Variants in PEAK1 observed in about 807,000 individuals in gnomAD.
PEAK1 encodes pseudopodium enriched atypical kinase 1, also known as inactive tyrosine-protein kinase PEAK1.
PEAK1 carries 54 observed loss-of-function variants against 124.7 expected under a neutral mutation model. The ratio of observed to expected loss-of-function variants is 0.43; its 90% CI spans 0.35 to 0.54. The LOEUF (loss-of-function observed/expected upper bound fraction) is 0.54. Among genes scored for constraint, PEAK1 ranks in the 20% least tolerant of loss-of-function variants. The pLI is 0.01. For synonymous variants in PEAK1, 719 were observed against 760.0 expected (o/e 0.95, Z 0.89); for missense variants, 2,046 against 2,134.5 (o/e 0.96, Z 0.82).
chr15:77,267,558 G>A (rs1366940168), intron 5 of PEAK1, among the ~76,000 whole-genome samples: 1 of 152,128 alleles, frequency 6.6e-6, no homozygotes, highest in Non-Finnish European at 1.5e-5. Context: ...ATACTCCCCT[G>A]TACTAGCCCA....
At chr15:77,296,684 G>C (rs1264278681) in intron 2 of PEAK1, among the ~76,000 whole-genome samples, 1 of 151,446 alleles carries the variant, frequency 6.6e-6, no homozygotes, top group Non-Finnish European at 1.5e-5. Flanking sequence ...ATCTAAATCT[G>C]AAAATTGAAA....
At chr15:77,115,879 G>A (rs1219620428) in intron 9 of PEAK1, among the ~76,000 whole-genome samples, 1 of 152,154 alleles carries the variant, frequency 6.6e-6, no homozygotes, top group Non-Finnish European at 1.5e-5. Flanking sequence ...ACTTTTCAAT[G>A]AATGTCATTG....
intron 8 of PEAK1, among the ~76,000 whole-genome samples, chr15:77,152,281 T>C (rs1373597807): frequency 6.6e-6 from 1 of 152,152 alleles, no homozygotes; most frequent in Non-Finnish European, 1.5e-5. Context: ...ATGATTTGGC[T>C]CTCTGTTTGT....
chr15:77,302,603 T>C (rs2063845428), intron 2 of PEAK1, among the ~76,000 whole-genome samples: 1 of 152,200 alleles, frequency 6.6e-6, no homozygotes, highest in African/African-American at 2.4e-5. Context: ...TAGTTTAAAG[T>C]AAGTACGGTA....
intron 8 of PEAK1, among the ~76,000 whole-genome samples, chr15:77,143,273 C>T (rs1221481111): frequency 6.6e-6 from 1 of 152,206 alleles, no homozygotes; most frequent in Non-Finnish European, 1.5e-5. Flanking sequence ...AGAGATGAAG[C>T]ACCACGGAGA....
intron 2 of PEAK1, among the ~76,000 whole-genome samples, chr15:77,294,787 G>T (rs2063399039): frequency 6.6e-6 from 1 of 151,702 alleles, no homozygotes; most frequent in South Asian, 2.1e-4. Context: ...ATGAGTTTTT[G>T]AACTTGATCT....
At chr15:77,391,468 ACTCATGGC>A in intron 1 of PEAK1, among the ~76,000 whole-genome samples, 1 of 131,940 alleles carries the variant, frequency 7.6e-6, no homozygotes. Flanking sequence ...CACCAACCTA[ACTCATGGC>A]AAAAAAAAAA....
At chr15:77,309,915 G>A (rs28473135) in intron 2 of PEAK1, among the ~76,000 whole-genome samples, 1,579 of 152,290 alleles carry the variant, frequency 0.01, 27 homozygotes, top group African/African-American at 0.036. Context: ...CATGACATAT[G>A]AGGAACTGTG....
chr15:77,372,488 T>C (rs1020748385), intron 1 of PEAK1, among the ~76,000 whole-genome samples: 1 of 152,234 alleles, frequency 6.6e-6, no homozygotes, highest in Admixed American at 6.5e-5. Flanking sequence ...TGTTTGAATC[T>C]GTGTTTGCTC....
chr15:77,114,045 A>C lies in PEAK1; in HGVS notation c.*111T>G. 4 of 1,151,568 alleles carry C rather than the reference A, an allele frequency of 3.5e-6. No homozygotes were observed. The highest frequency in any genetic ancestry group is 5.1e-6 in the Non-Finnish European group (4 of 791,082). The allele number at this position is 1,151,568 out of a possible 1,614,324, so 71.3% of individuals were successfully genotyped here. On this transcript the variant is annotated 3_prime_UTR_variant, in exon 10 of 10. Transcript: ENST00000682557. ...GACCCACTTGTTCACGGACAGGGAT[A>C]GAGGTTTGCCTTTCTTCTTTCCTTG...
intron 2 of PEAK1, among the ~76,000 whole-genome samples, chr15:77,331,762 C>A (rs1240368430): frequency 1.3e-5 from 2 of 152,002 alleles, no homozygotes; most frequent in East Asian, 2.0e-4. Context: ...GGACTACAGG[C>A]TCGTGCCACC....
chr15:77,211,855 A>AG (rs1448537351), intron 6 of PEAK1, among the ~76,000 whole-genome samples: 1 of 150,920 alleles, frequency 6.6e-6, no homozygotes, highest in Non-Finnish European at 1.5e-5. Context: ...TCTCAAAAAA[A>AG]AAAAAAAAAA....
intron 2 of PEAK1, among the ~76,000 whole-genome samples, chr15:77,362,240 A>G (rs2067936783): frequency 6.6e-6 from 1 of 152,166 alleles, no homozygotes; most frequent in African/African-American, 2.4e-5. Context: ...AGAAATGATA[A>G]ATGTCTGAGA....
At chr15:77,267,532 A>G (rs536718371) in intron 5 of PEAK1, among the ~76,000 whole-genome samples, 4 of 152,300 alleles carry the variant, frequency 2.6e-5, no homozygotes, top group African/African-American at 9.6e-5. Flanking sequence ...AGATCACATC[A>G]TAAGACTCTT....
chr15:77,154,555 T>G (rs1176545411), intron 8 of PEAK1, among the ~76,000 whole-genome samples: 2 of 152,248 alleles, frequency 1.3e-5, no homozygotes, highest in African/African-American at 4.8e-5. Context: ...TTTTGCTCGT[T>G]AGTTGATGCA....
At chr15:77,416,164 C>T (rs1166814345) in intron 1 of PEAK1, among the ~76,000 whole-genome samples, 1 of 152,206 alleles carries the variant, frequency 6.6e-6, no homozygotes, top group Non-Finnish European at 1.5e-5. Flanking sequence ...TTGACCACTC[C>T]TAGCCCTTGA....
intron 8 of PEAK1, among the ~76,000 whole-genome samples, chr15:77,140,388 C>T (rs1388564364): frequency 2.0e-5 from 3 of 152,140 alleles, no homozygotes; most frequent in Non-Finnish European, 4.4e-5. Flanking sequence ...AAGGATTATA[C>T]ACCACAACAA....
intron 6 of PEAK1, among the ~76,000 whole-genome samples, chr15:77,203,777 A>G (rs1162926567): frequency 1.3e-5 from 2 of 152,190 alleles, no homozygotes; most frequent in African/African-American, 4.8e-5. Context: ...CAGTGAATCA[A>G]TGGCCTCAAT....
chr15:77,293,575 T>C (rs976612923), intron 2 of PEAK1, among the ~76,000 whole-genome samples: 7 of 152,356 alleles, frequency 4.6e-5, no homozygotes, highest in Admixed American at 6.5e-5. Context: ...CCTCCAACGC[T>C]GGCCACGTTA....
Sources: allele counts gnomAD v4.1 joint callset (sites outside exome capture counted in the v4.1 genomes callset), GRCh38; gene constraint gnomAD v4.1.1; transcripts MANE v1.5; gene names NCBI Gene and HGNC (gene_info 2026-07-23, HGNC 2026-07-21).